CSGALNACT2: variants seen among roughly 807,000 people sequenced by gnomAD.
The protein encoded by CSGALNACT2 is chondroitin sulfate N-acetylgalactosaminyltransferase 2.
A neutral mutation model predicts 55.3 loss-of-function variants in CSGALNACT2; 35 were observed. That is an observed-to-expected ratio of 0.63 (90% CI 0.48 to 0.84). The LOEUF (loss-of-function observed/expected upper bound fraction) is 0.84. CSGALNACT2 is among the 40% of genes least tolerant of loss of function. The probability of loss-of-function intolerance (pLI) is 0.00; values close to 1 mark genes in which losing one functional copy is unlikely to be tolerated. For synonymous variants in CSGALNACT2, 196 were observed against 224.9 expected (o/e 0.87, Z 1.15); for missense variants, 544 against 657.5 (o/e 0.83, Z 1.89).
At position 43,155,818 on chromosome 10, in the gene CSGALNACT2, G is replaced by GA; in HGVS notation, c.661+13dup. The GA allele has an allele frequency of 6.3e-7, 1 of 1,598,696 alleles. No individual in the cohort carries two copies. The highest frequency in any genetic ancestry group is 1.1e-5 in the South Asian group (1 of 88,550). On this transcript the variant is annotated intron_variant, in intron 2 of 7. Coordinates refer to ENST00000374466, the MANE Select transcript of CSGALNACT2 (RefSeq NM_018590.5). Reference sequence around the variant, plus strand: ...AAAATGACTTCGTAGAAGGTAATGTGAAAAATATGTTGGTCAATATTATGT... The same window carrying GA: ...AAAATGACTTCGTAGAAGGTAATGTGAAAAAATATGTTGGTCAATATTATGT...
chr10:43,139,994 G>A (rs1838583214), intron 1 of CSGALNACT2, among the ~76,000 whole-genome samples: 1 of 152,068 alleles, frequency 6.6e-6, no homozygotes, highest in Non-Finnish European at 1.5e-5. Flanking sequence ...AGGAGTTCGA[G>A]ACCAGCCTGG....
At chr10:43,146,662 A>G (rs1838754974) in intron 1 of CSGALNACT2, among the ~76,000 whole-genome samples, 1 of 151,598 alleles carries the variant, frequency 6.6e-6, no homozygotes, top group South Asian at 2.1e-4. Context: ...CCCAGGAGTT[A>G]GGCTACATTG....
intron 1 of CSGALNACT2, among the ~76,000 whole-genome samples, chr10:43,151,084 G>T (rs562118610): frequency 6.6e-6 from 1 of 151,970 alleles, no homozygotes; most frequent in Non-Finnish European, 1.5e-5. Context: ...TTAAATTTTT[G>T]AACATAAACA....
At chr10:43,150,410 A>G (rs1045819285) in intron 1 of CSGALNACT2, among the ~76,000 whole-genome samples, 4 of 152,232 alleles carry the variant, frequency 2.6e-5, no homozygotes, top group Admixed American at 6.5e-5. Context: ...GACTTACAGT[A>G]CAGGTATGAT....
chr10:43,163,967 T>G lies in CSGALNACT2; in HGVS notation c.1082T>G (p.Val361Gly). 6.2e-7 allele frequency: 1 copy of G among 1,613,920 alleles called. No individual in the cohort carries two copies. Among genetic ancestry groups the G allele is most frequent in the Non-Finnish European group, 8.5e-7 (1 of 1,179,956 alleles). Residue 361 changes from valine to glycine, a missense_variant, in exon 5 of 8, where the codon GTC becomes GGC. Val to Gly is a moderately radical substitution (Grantham distance 109, BLOSUM62 -3). Transcript: ENST00000374466. The stretch of plus-strand genomic sequence containing the variant: ...GCCCGAGCTTGGGACAAGGGAGAGG[T>G]CTTGATGTTTTTCTGTGATGTTGAT... ...VGARAWDKGE[V>G]LMFFCDVDIY... is the part of the protein sequence containing the mutation.
intron 2 of CSGALNACT2, among the ~76,000 whole-genome samples, chr10:43,157,387 C>T (rs1839037796): frequency 6.6e-6 from 1 of 152,182 alleles, no homozygotes; most frequent in African/African-American, 2.4e-5. Flanking sequence ...CTCTACTGTG[C>T]CACTGTCTGC....
chr10:43,143,226 A>C (rs181377996), intron 1 of CSGALNACT2, among the ~76,000 whole-genome samples: 1 of 152,362 alleles, frequency 6.6e-6, no homozygotes, highest in South Asian at 2.1e-4. Flanking sequence ...TGTAGGTACT[A>C]TCTACATCAG....
chr10:43,139,936 C>G (rs1308669894), intron 1 of CSGALNACT2, among the ~76,000 whole-genome samples: 1 of 152,236 alleles, frequency 6.6e-6, no homozygotes, highest in Non-Finnish European at 1.5e-5. Flanking sequence ...TGGCTCAGGC[C>G]TTTTATCCCA....
rs1257744675 is a variant in CSGALNACT2, at chr10:43,183,273, G to T, written c.1360G>T (p.Gly454Cys). Residue 454 changes from glycine (G) to cysteine (C), a missense_variant, in exon 8 of 8, where the codon GGT becomes TGT. Transcript: ENST00000374466. ...AGGTGGATTTGACATGGAAGTGAAA[G>T]GTTGGGGTGGAGAAGATGTTCATCT... ...TIGGFDMEVK[G>C]WGGEDVHLYR... 1 of 1,613,480 alleles carries T rather than the reference G, an allele frequency of 6.2e-7. No individual in the cohort carries two copies. The highest frequency in any genetic ancestry group is 8.5e-7 in the Non-Finnish European group (1 of 1,179,534).
intron 1 of CSGALNACT2, among the ~76,000 whole-genome samples, chr10:43,141,805 T>G (rs569078513): frequency 6.6e-6 from 1 of 152,108 alleles, no homozygotes; most frequent in Non-Finnish European, 1.5e-5. Flanking sequence ...AGGCACAGTC[T>G]TGGGCATCCT....
intron 2 of CSGALNACT2, among the ~76,000 whole-genome samples, chr10:43,157,153 TTC>T (rs1169085856): frequency 6.6e-6 from 1 of 152,216 alleles, no homozygotes; most frequent in Admixed American, 6.5e-5. Flanking sequence ...GCTTTTTGTC[TTC>T]TCACTGTATG....
At chr10:43,142,564 A>G (rs1838652746) in intron 1 of CSGALNACT2, among the ~76,000 whole-genome samples, 1 of 152,256 alleles carries the variant, frequency 6.6e-6, no homozygotes, top group Non-Finnish European at 1.5e-5. Context: ...TGAAAATTAT[A>G]TGAAGTTCAA....
At chr10:43,157,888 G>C (rs1348083056) in intron 2 of CSGALNACT2, among the ~76,000 whole-genome samples, 1 of 151,892 alleles carries the variant, frequency 6.6e-6, no homozygotes, top group Non-Finnish European at 1.5e-5. Context: ...AATTAGCTGG[G>C]CGTGGTGACA....
At chr10:43,177,510 A>G (rs558394339) in intron 7 of CSGALNACT2, among the ~76,000 whole-genome samples, 1 of 152,144 alleles carries the variant, frequency 6.6e-6, no homozygotes, top group Non-Finnish European at 1.5e-5. Context: ...TAGAAAGCAA[A>G]TTGTACAATA....
chr10:43,171,404 G>A (rs371604210), intron 6 of CSGALNACT2, among the ~76,000 whole-genome samples: 37 of 150,466 alleles, frequency 2.5e-4, no homozygotes, highest in African/African-American at 7.1e-4. Flanking sequence ...CCAGCCTGGA[G>A]TGCAGTGGCA....
intron 6 of CSGALNACT2, among the ~76,000 whole-genome samples, chr10:43,170,486 C>T (rs1839361304): frequency 6.6e-6 from 1 of 152,194 alleles, no homozygotes; most frequent in African/African-American, 2.4e-5. Flanking sequence ...CAAGCTGGAA[C>T]AACCTGAGCA....
intron 5 of CSGALNACT2, among the ~76,000 whole-genome samples, chr10:43,165,371 C>CAA (rs373175491): frequency 1.4e-5 from 2 of 139,554 alleles, no homozygotes; most frequent in South Asian, 2.3e-4. Flanking sequence ...TTCTTACCAC[C>CAA]AAAAAAAAAA....
chr10:43,149,302 G>T (rs1838826468), intron 1 of CSGALNACT2, among the ~76,000 whole-genome samples: 1 of 152,138 alleles, frequency 6.6e-6, no homozygotes, highest in Non-Finnish European at 1.5e-5. Context: ...AGCCAGGATG[G>T]TCTCTATCTC....
intron 1 of CSGALNACT2, among the ~76,000 whole-genome samples, chr10:43,148,154 T>C (rs1838801854): frequency 6.6e-6 from 1 of 152,222 alleles, no homozygotes; most frequent in African/African-American, 2.4e-5. Context: ...AAAACTATTC[T>C]TTCTCCCATT....
Sources: allele counts gnomAD v4.1 joint callset (sites outside exome capture counted in the v4.1 genomes callset), GRCh38; gene constraint gnomAD v4.1.1; transcripts MANE v1.5; gene names NCBI Gene and HGNC (gene_info 2026-07-23, HGNC 2026-07-21).